CCDC125: variants seen among roughly 807,000 people sequenced by gnomAD.
CCDC125 encodes coiled-coil domain containing 125.
CCDC125 carries 43 observed loss-of-function variants against 57.4 expected under a neutral mutation model. The ratio of observed to expected loss-of-function variants is 0.75; its 90% confidence interval spans 0.59 to 0.97. CCDC125 has a LOEUF of 0.97. CCDC125 is among the 50% of genes least tolerant of loss of function. The pLI, the probability that CCDC125 is intolerant of heterozygous loss-of-function variation, is 0.00. For synonymous variants in CCDC125, 187 were observed against 195.2 expected (o/e 0.96, Z 0.35); for missense variants, 563 against 595.7 (o/e 0.95, Z 0.57).
chr5:69,313,444 A>C, intron 3 of CCDC125: 1 of 1,378,712 alleles, frequency 7.3e-7, no homozygotes, highest in Non-Finnish European at 1.0e-6. Flanking sequence ...GTGGTCCTTG[A>C]CCTCCTCATA....
At chr5:69,310,243 G>C (rs774124191) in intron 4 of CCDC125, 2 of 152,304 alleles carry the variant, frequency 1.3e-5, no homozygotes, top group East Asian at 1.9e-4. Context: ...GTTTGGCTCT[G>C]TGTCCTCACC....
intron 7 of CCDC125, among the ~76,000 whole-genome samples, chr5:69,301,734 CAA>C (rs61192208): frequency 2.7e-4 from 38 of 139,880 alleles, no homozygotes; most frequent in Admixed American, 3.6e-4. Flanking sequence ...GACTCTGTCT[CAA>C]AAAAAAAAAA....
chr5:69,324,053 C>T (rs1580238240), intron 1 of CCDC125, among the ~76,000 whole-genome samples: 2 of 152,210 alleles, frequency 1.3e-5, no homozygotes, highest in Admixed American at 1.3e-4. Context: ...CTTCGAAAGA[C>T]ATTTAATCTC....
intron 1 of CCDC125, 26 bp from the exon 2 acceptor site, chr5:69,320,606 G>A: frequency 9.3e-7 from 1 of 1,075,258 alleles, no homozygotes; most frequent in Non-Finnish European, 1.4e-6. Context: ...ACAGTAGTTA[G>A]GAAAACATCA....
intron 1 of CCDC125, among the ~76,000 whole-genome samples, chr5:69,327,518 C>T (rs781606605): frequency 1.3e-5 from 2 of 152,160 alleles, no homozygotes; most frequent in Non-Finnish European, 2.9e-5. Flanking sequence ...ACTATCCAAC[C>T]AGTTTAATGT....
downstream of CCDC125, chr5:69,276,564 A>C (rs1325031381): frequency 6.2e-7 from 1 of 1,613,258 alleles, no homozygotes; most frequent in Non-Finnish European, 8.5e-7. Context: ...GAAGTATTTC[A>C]GTAATCGGCC....
chr5:69,274,080 A>G, the CCDC125 span, among the ~76,000 whole-genome samples: 1 of 152,172 alleles, frequency 6.6e-6, no homozygotes, highest in Non-Finnish European at 1.5e-5. Context: ...ACTTCTATGT[A>G]TATTATTTCC....
intron 4 of CCDC125, chr5:69,310,416 T>G (rs1757953529): frequency 6.4e-6 from 1 of 155,900 alleles, no homozygotes; most frequent in African/African-American, 2.4e-5. Flanking sequence ...CTTTTGAATC[T>G]TCCTCATTTT....
intron 1 of CCDC125, among the ~76,000 whole-genome samples, chr5:69,330,961 T>C (rs1761341500): frequency 6.6e-6 from 1 of 151,960 alleles, no homozygotes; most frequent in Non-Finnish European, 1.5e-5. Flanking sequence ...ATTCCATGGC[T>C]CCCATGGCAT....
At chr5:69,286,966 A>G (rs1369217721) in intron 10 of CCDC125, among the ~76,000 whole-genome samples, 1 of 146,438 alleles carries the variant, frequency 6.8e-6, no homozygotes, top group Non-Finnish European at 1.5e-5. Flanking sequence ...GGTAGTCTGG[A>G]GGATTGCTTA....
At chr5:69,304,303 C>T (rs1756979516) in intron 6 of CCDC125, among the ~76,000 whole-genome samples, 1 of 151,910 alleles carries the variant, frequency 6.6e-6, no homozygotes, top group South Asian at 2.1e-4. Context: ...CGGGATTTCA[C>T]CATGTTGGCC....
intron 10 of CCDC125, among the ~76,000 whole-genome samples, chr5:69,286,225 T>TATATATATATATATATATAA (rs1753388920): frequency 9.0e-6 from 1 of 111,466 alleles, no homozygotes; most frequent in African/African-American, 3.5e-5. Flanking sequence ...TATATATATA[T>TATATATATATATATATATAA]ATATATATAA....
At chr5:69,309,018 G>A (rs911650438) in intron 4 of CCDC125, 1 of 152,784 alleles carries the variant, frequency 6.5e-6, no homozygotes, top group African/African-American at 2.4e-5. Flanking sequence ...AGAGTATCTG[G>A]TGGAAGAAAT....
chr5:69,290,849 C>T (rs1383698694), intron 10 of CCDC125, among the ~76,000 whole-genome samples: 1 of 151,212 alleles, frequency 6.6e-6, no homozygotes, highest in African/African-American at 2.4e-5. Flanking sequence ...AGGCTGGTCT[C>T]AAACTCCTGA....
intron 8 of CCDC125, among the ~76,000 whole-genome samples, chr5:69,296,640 T>A (rs1561427603): frequency 6.6e-6 from 1 of 151,932 alleles, no homozygotes; most frequent in Admixed American, 6.6e-5. Flanking sequence ...AGTATAATAA[T>A]TTTACTTTTT....
intron 7 of CCDC125, among the ~76,000 whole-genome samples, chr5:69,301,251 C>CG (rs1158404607): frequency 6.6e-6 from 1 of 151,990 alleles, no homozygotes. Flanking sequence ...CTGGCCATTA[C>CG]GGGCATGAGC....
chr5:69,314,144 T>C (rs1182172334), intron 2 of CCDC125, 98 bp from the exon 3 acceptor site: 1 of 840,664 alleles, frequency 1.2e-6, no homozygotes, highest in Non-Finnish European at 2.0e-6. Context: ...CAAATACAGG[T>C]ATCCCCTAAA....
At chr5:69,303,277 T>C (rs1453315987) in intron 7 of CCDC125, among the ~76,000 whole-genome samples, 5 of 151,800 alleles carry the variant, frequency 3.3e-5, no homozygotes, top group Non-Finnish European at 7.4e-5. Context: ...CTCAAACTCC[T>C]AAGCTCAAGT....
chr5:69,313,918 G>A (rs1478377211), intron 3 of CCDC125, 67 bp downstream of exon 3: 9 of 1,134,800 alleles, frequency 7.9e-6, no homozygotes, highest in South Asian at 2.5e-5. Context: ...TGCAGAAGAC[G>A]AGAGCACTGC....
Sources: allele counts gnomAD v4.1 joint callset (sites outside exome capture counted in the v4.1 genomes callset), GRCh38; gene constraint gnomAD v4.1.1; transcripts MANE v1.5; gene names NCBI Gene and HGNC (gene_info 2026-07-23, HGNC 2026-07-21).